CAPN15: variants seen among roughly 807,000 people sequenced by gnomAD.
CAPN15 encodes calpain-15.
A neutral mutation model predicts 97.9 loss-of-function variants in CAPN15; 53 were observed. That is an observed-to-expected ratio of 0.54 (90% CI 0.43 to 0.68). CAPN15 has a LOEUF of 0.68. Ranked by LOEUF, CAPN15 falls within the 30% of genes least tolerant of loss-of-function variation. The pLI is 0.00. For synonymous variants in CAPN15, 922 were observed against 722.5 expected, an observed-to-expected ratio of 1.28 and a Z score of -4.43; for missense variants, 1,592 against 1,589.8, an observed-to-expected ratio of 1.00 and a Z score of -0.02.
Position 553,941 on chromosome 16 carries a change from T to C in CAPN15, c.*425T>C. 5.3e-6 allele frequency: 1 copy of C among 188,756 alleles called. No individual in the cohort carries two copies. The highest frequency in any genetic ancestry group is 1.1e-5 in the Non-Finnish European group (1 of 95,046). The allele number at this position is 188,756 out of a possible 1,614,324, so 11.7% of individuals were successfully genotyped here. A position where few individuals can be genotyped will look rare whatever the true frequency, so the allele number is the denominator to read the frequency against. ...ATCAGGGACCACCCCTCACGGGGCATAAGGTCAGTTTTCCCCCAGAGCCCG... is the reference window on the plus strand; with the variant it reads ...ATCAGGGACCACCCCTCACGGGGCACAAGGTCAGTTTTCCCCCAGAGCCCG... On this transcript the variant is annotated 3_prime_UTR_variant, in exon 14 of 14. Coordinates refer to ENST00000219611, the MANE Select transcript of CAPN15 (RefSeq NM_005632.3).
intron 3 of CAPN15, chr16:538,002 G>A (rs530438724): frequency 6.6e-6 from 1 of 152,366 alleles, no homozygotes; most frequent in South Asian, 2.1e-4. Context: ...CGCTTCACAC[G>A]GACGCAGCGA....
chr16:544,230 C>G (rs1177093821), intron 3 of CAPN15, among the ~76,000 whole-genome samples: 1 of 152,152 alleles, frequency 6.6e-6, no homozygotes, highest in Non-Finnish European at 1.5e-5. Flanking sequence ...ATGGTATCCC[C>G]CGCCCTGGGC....
In CAPN15 at chr16:548,121, G is replaced by A. The variant is rs202055221; in HGVS notation, c.1283G>A (p.Arg428Gln). Residue 428 changes from arginine to glutamine, a missense_variant, in exon 4 of 14, where the codon CGG becomes CAG. Coordinates refer to ENST00000219611, the MANE Select transcript of CAPN15 (RefSeq NM_005632.3). ...GCCTGTACCCTGCTCAACGCACTGC[G>A]GGCCAAGCACTGCGCCGCCTGCCAC... Reference protein sequence around the residue: ...CPACTLLNALRAKHCAACHTP... With the variant: ...CPACTLLNALQAKHCAACHTP... 318 of 1,535,662 alleles carry A rather than the reference G, an allele frequency of 2.1e-4. No individual in the cohort carries two copies. The African/African-American group carries it at 3.9e-3, about 19-fold the overall frequency.
At position 549,501 on chromosome 16, in the gene CAPN15, G is replaced by T. The variant is rs575525582; in HGVS notation, c.1842+30G>T. On this transcript the variant is annotated intron_variant, in intron 6 of 13. Transcript: ENST00000219611. ...GGCGGCCTGCAGGGTGGGCACGGGC[G>T]GCAGGGGCAGCCTCTGACCCCAGCC... 3 of 1,557,064 alleles carry T rather than the reference G, an allele frequency of 1.9e-6. No homozygotes were observed. The East Asian group carries it at 7.0e-5, about 36-fold the overall frequency.
chr16:551,714 C>A (rs374445321), intron 9 of CAPN15, 50 bp downstream of exon 9: 101 of 1,574,308 alleles, frequency 6.4e-5, no homozygotes, highest in Non-Finnish European at 7.7e-5. Context: ...CTCCTAGGGC[C>A]GAGTCCTTCT....
Position 552,747 on chromosome 16 carries a change from C to G in CAPN15, c.2880C>G (p.Thr960=). The change falls in exon 12 of 14, where the codon ACC becomes ACG. Residue 960 remains threonine (T), a synonymous_variant. Transcript: ENST00000219611. This position sits in a 1 kb window ranked among gnomAD's most constrained non-coding sequence, Gnocchi z 6.4. ...TTLADAIILL[T]ESRGERHEGR... ...TGGCCGACGCCATCATCCTGCTCAC[C>G]GAGAGCCGCGGAGAGCGGCACGAGG... 1 of 1,542,500 alleles carries G rather than the reference C, an allele frequency of 6.5e-7. No individual in the cohort carries two copies. The highest frequency in any genetic ancestry group is 1.2e-5 in the South Asian group (1 of 83,562).
chr16:554,393 C>A lies in CAPN15; in HGVS notation c.*877C>A, dbSNP rs1188918992. ...CTCCCGGCAGCGGGCCGGCCTCGCCCCCACTCCCCCTCCTACCCCGGCAGG... is the reference window on the plus strand; with the variant it reads ...CTCCCGGCAGCGGGCCGGCCTCGCCACCACTCCCCCTCCTACCCCGGCAGG... On this transcript the variant is annotated 3_prime_UTR_variant, in exon 14 of 14. Transcript: ENST00000219611. The A allele has an allele frequency of 4.1e-5, 17 of 415,346 alleles. No individual in the cohort carries two copies. Among genetic ancestry groups the A allele is most frequent in the African/African-American group, 2.1e-5 (1 of 48,690 alleles). 25.7% of individuals were successfully genotyped at this position (415,346 alleles called of 1,614,324 possible). A position where few individuals can be genotyped will look rare whatever the true frequency, so the allele number is the denominator to read the frequency against.
rs778827146 is a variant in CAPN15 at position 547,866 on chromosome 16, C to G, written c.1028C>G (p.Thr343Ser). 1 of 1,611,600 alleles carries G rather than the reference C, an allele frequency of 6.2e-7. No homozygotes were observed. The highest frequency in any genetic ancestry group is 8.5e-7 in the Non-Finnish European group (1 of 1,179,456). The change falls in exon 4 of 14, where the codon ACC (threonine) becomes AGC (serine). Residue 343 changes from threonine (T) to serine (S), a missense_variant. Around this residue, in one of 3 missense-constraint regions of CAPN15, gnomAD observed 883 missense variants for 776.6 expected, o/e 1.14. Transcript: ENST00000219611. ...AGCCCCTCCAGCCCCGACTTCACCA[C>G]CTGGTCATGTGCCAAGTGCACGCTC... ...PASPSSPDFT[T>S]WSCAKCTLRN...
At chr16:540,350 C>A in intron 3 of CAPN15, 2 of 985,570 alleles carry the variant, frequency 2.0e-6, no homozygotes, top group Non-Finnish European at 2.4e-6. Flanking sequence ...CAGCACCAGC[C>A]CCCACGGCCC....
chr16:542,444 C>T (rs140292412), intron 3 of CAPN15, among the ~76,000 whole-genome samples: 239 of 152,218 alleles, frequency 1.6e-3, no homozygotes, highest in African/African-American at 5.3e-3. Context: ...CAGCTCCTGC[C>T]GTTGTCTGTC....
intron 3 of CAPN15, among the ~76,000 whole-genome samples, chr16:545,759 G>A (rs887764992): frequency 1.3e-5 from 2 of 152,218 alleles, no homozygotes; most frequent in African/African-American, 2.4e-5. Context: ...CTGCACCTGC[G>A]GTCAGCGGGG....
rs1310797618 is a variant in CAPN15, at chr16:547,966, GC to G, written c.1134del (p.Thr379ProfsTer73). The G allele has an allele frequency of 6.3e-7, 1 of 1,586,536 alleles. No individual in the cohort carries two copies. Among genetic ancestry groups the G allele is most frequent in the Non-Finnish European group, 8.6e-7 (1 of 1,168,150 alleles). On this transcript the variant is annotated frameshift_variant, in exon 4 of 14. Coordinates refer to ENST00000219611, the MANE Select transcript of CAPN15 (RefSeq NM_005632.3). LOFTEE classifies it high-confidence loss of function. Reference protein sequence around the residue: ...KLHGFQEHGEPPTHCPDCGAD... With the variant: ...KLHGFQEHGEXPTHCPDCGAD... Reference sequence around the variant, plus strand: ...TGCACGGCTTCCAGGAGCATGGCGAGCCCCCCACCCACTGCCCCGACTGTGG... The same window carrying G: ...TGCACGGCTTCCAGGAGCATGGCGAGCCCCCACCCACTGCCCCGACTGTGG...
At chr16:537,053 T>G in intron 3 of CAPN15, 1 of 748,236 alleles carries the variant, frequency 1.3e-6, no homozygotes, top group Non-Finnish European at 1.6e-6. Context: ...TCCCCTGGCG[T>G]GTGCTGGAAA....
chr16:533,444 T>G (rs1443582162), intron 1 of CAPN15, among the ~76,000 whole-genome samples: 2 of 152,078 alleles, frequency 1.3e-5, no homozygotes, highest in Non-Finnish European at 2.9e-5. Flanking sequence ...CGGGTGGCAC[T>G]CGGGCTGGGG....
At position 535,379 on chromosome 16, in the gene CAPN15, T is replaced by G. The variant is rs2033630025; in HGVS notation, c.-136-650T>G. The G allele has an allele frequency of 6.5e-6, 1 of 154,190 alleles. No individual in the cohort carries two copies. Among genetic ancestry groups the G allele is most frequent in the African/African-American group, 2.4e-5 (1 of 41,516 alleles). The allele number at this position is 154,190 out of a possible 1,614,324, so 9.6% of individuals were successfully genotyped here. ...GGCAGTGTGATCATCCTGGCCCTTC[T>G]CGTGCACGTCCCCTGGCTGGATGCT... On this transcript the variant is annotated intron_variant, in intron 2 of 13. Coordinates refer to ENST00000219611, the MANE Select transcript of CAPN15 (RefSeq NM_005632.3). This position sits in a 1 kb window ranked among gnomAD's most constrained non-coding sequence, Gnocchi z 6.2.
At chr16:534,835 G>A (rs1177878081) in intron 2 of CAPN15, among the ~76,000 whole-genome samples, 1 of 152,208 alleles carries the variant, frequency 6.6e-6, no homozygotes, top group Non-Finnish European at 1.5e-5. Flanking sequence ...GTGACACCGG[G>A]GCATCCTTGT....
Position 547,336 on chromosome 16 carries a change from C to CG in CAPN15, c.503dup (p.Arg170ThrfsTer11). 1 of 1,538,892 alleles carries CG rather than the reference C, an allele frequency of 6.5e-7. No individual in the cohort carries two copies. Among genetic ancestry groups the CG allele is most frequent in the South Asian group, 1.2e-5 (1 of 84,664 alleles). On this transcript the variant is annotated frameshift_variant, in exon 4 of 14. Transcript: ENST00000219611. LOFTEE classifies it high-confidence loss of function. ...CCGTGGCCAGCTCCTGCTCCGTCTG[C>CG]GGGGGCCCACGCAGGCTCTCGCTGC...
intron 7 of CAPN15, among the ~76,000 whole-genome samples, chr16:551,015 C>T (rs1318368752): frequency 5.6e-5 from 7 of 125,568 alleles, no homozygotes; most frequent in Admixed American, 3.4e-4. Flanking sequence ...GGTCCCCTGT[C>T]GGTGAGGGCC....
chr16:550,745 T>TG (rs2034951051), intron 7 of CAPN15, among the ~76,000 whole-genome samples: 1 of 5,454 alleles, frequency 1.8e-4, no homozygotes, highest in African/African-American at 3.5e-4. Context: ...TCGGTGAGGG[T>TG]CCCGGTCGGT....
Sources: allele counts gnomAD v4.1 joint callset (sites outside exome capture counted in the v4.1 genomes callset), GRCh38; gene constraint gnomAD v4.1.1; regional missense constraint gnomAD v4.1.1; non-coding constraint Gnocchi (gnomAD v3.1); transcripts MANE v1.5; gene names NCBI Gene and HGNC (gene_info 2026-07-23, HGNC 2026-07-21).